The following TRIO variants were observed in gnomAD, a reference collection of about 807,000 sequenced individuals.
TRIO encodes the protein triple functional domain protein.
A neutral mutation model predicts 351.9 loss-of-function variants in TRIO; 58 were observed. The observed-to-expected ratio is 0.16, with a 90% confidence interval of 0.13 to 0.21. TRIO has a LOEUF of 0.21. Among genes scored for constraint, TRIO ranks in the 10% least tolerant of loss-of-function variants. TRIO has a pLI of 1.00. For synonymous variants in TRIO, 1,758 were observed against 1,595.7 expected (o/e 1.10, Z -2.42); for missense variants, 3,201 against 4,027.8 (o/e 0.79, Z 5.56).
chr5:14,421,241 ATTTTATTTTAT>A (rs1561471173), intron 34 of TRIO, among the ~76,000 whole-genome samples: 10 of 139,872 alleles, frequency 7.1e-5, no homozygotes, highest in African/African-American at 2.6e-4. Context: ...ATTTTATTTT[ATTTTATTTTAT>A]TTTATTTTAT....
intron 1 of TRIO, among the ~76,000 whole-genome samples, chr5:14,251,056 G>A (rs1346978043): frequency 6.6e-6 from 1 of 152,138 alleles, no homozygotes; most frequent in Non-Finnish European, 1.5e-5. Context: ...AAGAAAACAT[G>A]AGATTTGGGG....
chr5:14,319,686 A>T (rs1246769690), intron 9 of TRIO, among the ~76,000 whole-genome samples: 2 of 152,236 alleles, frequency 1.3e-5, no homozygotes, highest in Non-Finnish European at 2.9e-5. Flanking sequence ...ACTGAACAAT[A>T]GGCGAGGCAT....
chr5:14,445,876 C>G (rs1579676740), intron 34 of TRIO, among the ~76,000 whole-genome samples: 1 of 152,166 alleles, frequency 6.6e-6, no homozygotes, highest in African/African-American at 2.4e-5. Context: ...ATGTTTTTCC[C>G]TTTGTCTCTC....
intron 1 of TRIO, among the ~76,000 whole-genome samples, chr5:14,152,933 T>C (rs953714471): frequency 6.6e-6 from 1 of 152,238 alleles, no homozygotes; most frequent in African/African-American, 2.4e-5. Context: ...GGTATACATA[T>C]TACTTTTCCA....
chr5:14,229,562 G>T (rs995870522), intron 1 of TRIO, among the ~76,000 whole-genome samples: 4 of 152,196 alleles, frequency 2.6e-5, no homozygotes, highest in African/African-American at 9.7e-5. Context: ...ATTTGGAATA[G>T]CCCAGGTAAT....
chr5:14,488,573 C>T, intron 48 of TRIO: 2 of 512,094 alleles, frequency 3.9e-6, no homozygotes, highest in South Asian at 3.2e-5. Flanking sequence ...CTGCCTTCCT[C>T]ACGCACCTAT....
At chr5:14,236,712 T>A (rs1227974046) in intron 1 of TRIO, among the ~76,000 whole-genome samples, 1 of 152,214 alleles carries the variant, frequency 6.6e-6, no homozygotes, top group Non-Finnish European at 1.5e-5. Flanking sequence ...TTTATTGAAG[T>A]ATAATTCATA....
In TRIO at chr5:14,459,046, A is replaced by G. The variant is rs113053696; in HGVS notation, c.5204-1973A>G. 3.4e-3 allele frequency among the ~76,000 whole-genome samples: 518 copies of G among 152,344 alleles called. 1 individual carries two copies. The highest frequency in any genetic ancestry group is 6.3e-3 in the Non-Finnish European group (427 of 68,020). On this transcript the variant is annotated intron_variant, in intron 34 of 56. Coordinates refer to ENST00000344204, the MANE Select transcript of TRIO (RefSeq NM_007118.4). The stretch of plus-strand genomic sequence containing the variant: ...GGTTATCATTCTTTAACAGATATCA[A>G]TGGGTTCTGAACCAGAGTTTGCCTC...
chr5:14,486,834 T>C (rs1186375907), intron 47 of TRIO, among the ~76,000 whole-genome samples: 2 of 152,138 alleles, frequency 1.3e-5, no homozygotes, highest in African/African-American at 2.4e-5. Flanking sequence ...CAACGCTTGC[T>C]CACACATGCC....
At chr5:14,275,680 A>G (rs1735434226) in intron 2 of TRIO, among the ~76,000 whole-genome samples, 1 of 151,630 alleles carries the variant, frequency 6.6e-6, no homozygotes, top group South Asian at 2.1e-4. Flanking sequence ...ATAAACAAAA[A>G]TGTAATAGGC....
chr5:14,291,164 A>G lies in TRIO; in HGVS notation c.989A>G (p.His330Arg). Residue 330 changes from histidine to arginine, a missense_variant, in exon 5 of 57, where the codon CAT (histidine) becomes CGT (arginine). By Grantham distance (29) the His-to-Arg change is conservative (BLOSUM62 0). Coordinates refer to ENST00000344204, the MANE Select transcript of TRIO (RefSeq NM_007118.4). The stretch of plus-strand genomic sequence containing the variant: ...CGGCAGCATCTGCACCAGATGTGGC[A>G]TGTGAGGAAGCTGAAGCTGGACCAG... ...STRQHLHQMW[H>R]VRKLKLDQCF... is the part of the protein sequence containing the mutation. 6.2e-7 allele frequency: 1 copy of G among 1,614,176 alleles called. No individual in the cohort carries two copies. The highest frequency in any genetic ancestry group is 8.5e-7 in the Non-Finnish European group (1 of 1,180,028).
rs137939835 is a variant in TRIO at position 14,507,191 on chromosome 5, G to A, written c.8682G>A (p.Ala2894=). Residue 2894 remains alanine (A), a synonymous_variant, in exon 56 of 57, where the codon GCG becomes GCA. Transcript: ENST00000344204. ...GCCTCACTGAAGGGAAGATCAGGGCGCACCTGGGGGAGGTTCTGGAAGCTG... is the reference window on the plus strand; with the variant it reads ...GCCTCACTGAAGGGAAGATCAGGGCACACCTGGGGGAGGTTCTGGAAGCTG... The part of the protein sequence containing the change: ...WGSLTEGKIR[A]HLGEVLEAVR... The A allele has an allele frequency of 2.4e-5, 39 of 1,612,222 alleles. No homozygotes were observed. Among genetic ancestry groups the A allele is most frequent in the African/African-American group, 2.4e-4 (18 of 74,996 alleles).
chr5:14,371,533 T>G (rs1745103045), intron 18 of TRIO, among the ~76,000 whole-genome samples: 1 of 152,224 alleles, frequency 6.6e-6, no homozygotes, highest in Non-Finnish European at 1.5e-5. Flanking sequence ...AAATTCTCCC[T>G]TTCAGAAATA....
In TRIO at chr5:14,487,570, C is replaced by A. The variant is rs1756039568; in HGVS notation, c.6942C>A (p.Pro2314=). The A allele has an allele frequency of 5.3e-6, 6 of 1,124,966 alleles. No homozygotes were observed. The South Asian group carries it at 2.6e-4, about 48-fold the overall frequency. The allele number at this position is 1,124,966 out of a possible 1,614,324, so 69.7% of individuals were successfully genotyped here. A position where few individuals can be genotyped will look rare whatever the true frequency, so the allele number is the denominator to read the frequency against. The stretch of plus-strand genomic sequence containing the variant: ...GGGGCAGCGGCGGCGGCGGGGCCCC[C>A]AGTGGCGGCAGCGGCCACAGTGGCG... ...GGGGSGGGGA[P]SGGSGHSGGP... Residue 2314 remains proline, a synonymous_variant, in exon 48 of 57, where the codon CCC becomes CCA. Transcript: ENST00000344204.
At chr5:14,284,907 G>A (rs1736309625) in intron 3 of TRIO, among the ~76,000 whole-genome samples, 2 of 152,120 alleles carry the variant, frequency 1.3e-5, no homozygotes, top group South Asian at 4.1e-4. Flanking sequence ...CTTGGCCTCC[G>A]GGCACCTGCC....
At chr5:14,159,374 C>G (rs1299433010) in intron 1 of TRIO, among the ~76,000 whole-genome samples, 1 of 150,600 alleles carries the variant, frequency 6.6e-6, no homozygotes, top group Middle Eastern at 3.2e-3. Context: ...TTGTTTCAGT[C>G]CTGGTGGTGT....
At chr5:14,454,032 C>A (rs369948635) in intron 34 of TRIO, among the ~76,000 whole-genome samples, 1 of 152,010 alleles carries the variant, frequency 6.6e-6, no homozygotes, top group Non-Finnish European at 1.5e-5. Context: ...TGGGTTCAAG[C>A]GACTCTCCTG....
At chr5:14,291,635 G>A (rs573968876) in intron 5 of TRIO, among the ~76,000 whole-genome samples, 10 of 151,304 alleles carry the variant, frequency 6.6e-5, no homozygotes, top group Non-Finnish European at 1.2e-4. Context: ...CTAAAAATAC[G>A]AAAATTAGCC....
intron 34 of TRIO, among the ~76,000 whole-genome samples, chr5:14,453,523 C>T (rs562564821): frequency 2.0e-5 from 3 of 152,296 alleles, no homozygotes; most frequent in South Asian, 2.1e-4. Context: ...TCCTTTATGC[C>T]TCAGCCATCC....
Sources: gnomAD v4.1 joint callset for allele counts (sites outside exome capture counted in the v4.1 genomes callset) on GRCh38, gnomAD v4.1.1 for gene constraint, MANE v1.5 for transcripts, NCBI Gene and HGNC (gene_info 2026-07-23, HGNC 2026-07-21) for gene names.